GTF2F2: variants seen among roughly 807,000 people sequenced by gnomAD.
GTF2F2 encodes general transcription factor IIF subunit 2.
A neutral mutation model predicts 42.2 loss-of-function variants in GTF2F2; 23 were observed. The ratio of observed to expected loss-of-function variants is 0.55; its 90% CI spans 0.39 to 0.77. The LOEUF (loss-of-function observed/expected upper bound fraction) is 0.77. GTF2F2 is among the 30% of genes least tolerant of loss of function. GTF2F2 has a pLI of 0.00. For synonymous variants in GTF2F2, 105 were observed against 100.8 expected (o/e 1.04, Z -0.25); for missense variants, 261 against 287.2 (o/e 0.91, Z 0.66).
At chr13:45,154,338 A>G (rs1309451439) in intron 4 of GTF2F2, among the ~76,000 whole-genome samples, 1 of 152,210 alleles carries the variant, frequency 6.6e-6, no homozygotes, top group Admixed American at 6.5e-5. Flanking sequence ...TCCATTTTAC[A>G]TTTTAAAAAT....
chr13:45,259,817 C>G (rs1202038641), intron 6 of GTF2F2, among the ~76,000 whole-genome samples: 1 of 152,028 alleles, frequency 6.6e-6, no homozygotes, highest in East Asian at 1.9e-4. Flanking sequence ...GCCACCACAC[C>G]TGGCCAATGT....
At chr13:45,132,559 A>G (rs1336483485) in intron 1 of GTF2F2, among the ~76,000 whole-genome samples, 1 of 152,130 alleles carries the variant, frequency 6.6e-6, no homozygotes, top group Non-Finnish European at 1.5e-5. Flanking sequence ...TATGTAACCT[A>G]ATTACAGAAG....
At chr13:45,254,778 G>C (rs1362275075) in intron 6 of GTF2F2, among the ~76,000 whole-genome samples, 1 of 152,162 alleles carries the variant, frequency 6.6e-6, no homozygotes, top group Non-Finnish European at 1.5e-5. Context: ...AAATACCTAA[G>C]TTAAGTCAAA....
At chr13:45,268,051 T>C (rs1173888270) in intron 7 of GTF2F2, among the ~76,000 whole-genome samples, 1 of 152,194 alleles carries the variant, frequency 6.6e-6, no homozygotes, top group Non-Finnish European at 1.5e-5. Context: ...TTTAAAATGA[T>C]GATAACAATA....
At chr13:45,276,249 A>T (rs1877030160) in intron 7 of GTF2F2, among the ~76,000 whole-genome samples, 1 of 152,144 alleles carries the variant, frequency 6.6e-6, no homozygotes, top group African/African-American at 2.4e-5. Flanking sequence ...TGTATATACC[A>T]TATTTTGTTT....
At position 45,191,255 on chromosome 13, in the gene GTF2F2, A is replaced by ATATATATATATGGC. The variant is rs1260872563; in HGVS notation, c.305-16169_305-16168insTATATATATATGGC. On this transcript the variant is annotated intron_variant, in intron 4 of 7. Coordinates refer to ENST00000340473, the MANE Select transcript of GTF2F2 (RefSeq NM_004128.3). The stretch of plus-strand genomic sequence containing the variant: ...TATATATATATATATATATATATAT[A>ATATATATATATGGC]GCCATAATCTCACATTTTAAGGATG... Among the ~76,000 whole-genome samples the ATATATATATATGGC allele has an allele frequency of 1.2e-3, 166 of 136,502 alleles. 1 individual carries two copies. Among genetic ancestry groups the ATATATATATATGGC allele is most frequent in the Middle Eastern group, 7.2e-3 (2 of 276 alleles). The allele number at this position is 136,502 out of a possible 152,430, so 89.6% of individuals were successfully genotyped here.
chr13:45,161,385 G>C (rs1213129129), intron 4 of GTF2F2, among the ~76,000 whole-genome samples: 1 of 152,188 alleles, frequency 6.6e-6, no homozygotes, highest in African/African-American at 2.4e-5. Flanking sequence ...GTGTGGTAGT[G>C]TGAAAAGATT....
chr13:45,184,592 T>C (rs1026491244), intron 4 of GTF2F2, among the ~76,000 whole-genome samples: 3 of 152,122 alleles, frequency 2.0e-5, no homozygotes, highest in African/African-American at 7.3e-5. Flanking sequence ...CTGCTTTTCT[T>C]TTCCACTGCC....
At chr13:45,220,413 T>G (rs1874059811) in intron 5 of GTF2F2, among the ~76,000 whole-genome samples, 1 of 152,138 alleles carries the variant, frequency 6.6e-6, no homozygotes, top group South Asian at 2.1e-4. Flanking sequence ...AACTAATAAT[T>G]TAGGGTATTA....
At chr13:45,220,453 C>A (rs1055995636) in intron 5 of GTF2F2, among the ~76,000 whole-genome samples, 2 of 152,032 alleles carry the variant, frequency 1.3e-5, no homozygotes, top group African/African-American at 4.8e-5. Flanking sequence ...TTGGCACAGG[C>A]AGTAAATACT....
At chr13:45,156,878 A>G (rs1396824367) in intron 4 of GTF2F2, among the ~76,000 whole-genome samples, 1 of 152,164 alleles carries the variant, frequency 6.6e-6, no homozygotes, top group Non-Finnish European at 1.5e-5. Flanking sequence ...ATAAATTAAC[A>G]TTTGTGCCTG....
intron 2 of GTF2F2, among the ~76,000 whole-genome samples, chr13:45,149,003 A>G (rs1482032311): frequency 6.6e-6 from 1 of 152,166 alleles, no homozygotes; most frequent in Non-Finnish European, 1.5e-5. Flanking sequence ...AAATTTAATA[A>G]CTTGATCTTT....
intron 6 of GTF2F2, among the ~76,000 whole-genome samples, chr13:45,264,556 C>T (rs566768588): frequency 2.0e-5 from 3 of 152,282 alleles, no homozygotes; most frequent in Admixed American, 2.0e-4. Context: ...CAGGCGTGAG[C>T]CACTGCGCCT....
chr13:45,253,774 C>G (rs1430060808), intron 6 of GTF2F2, among the ~76,000 whole-genome samples: 1 of 152,060 alleles, frequency 6.6e-6, no homozygotes, highest in African/African-American at 2.4e-5. Flanking sequence ...TCTATTGACA[C>G]ATGATAAAAA....
intron 4 of GTF2F2, among the ~76,000 whole-genome samples, chr13:45,197,132 G>A (rs1872934946): frequency 6.6e-6 from 1 of 151,670 alleles, no homozygotes; most frequent in African/African-American, 2.4e-5. Context: ...CTGAAGCTTT[G>A]TCTTAGTGCC....
intron 1 of GTF2F2, among the ~76,000 whole-genome samples, chr13:45,126,406 G>C (rs7996423): frequency 0.36 from 54,390 of 151,726 alleles, 13,511 homozygotes; most frequent in African/African-American, 0.71. Context: ...CGTGCACCAC[G>C]ACTCCTGGCT....
intron 7 of GTF2F2, among the ~76,000 whole-genome samples, chr13:45,278,773 T>A (rs2138277841): frequency 6.6e-6 from 1 of 151,862 alleles, no homozygotes; most frequent in South Asian, 2.1e-4. Context: ...CACATGCCTC[T>A]GTTATATTTT....
At chr13:45,223,845 C>G (rs185905982) in intron 5 of GTF2F2, among the ~76,000 whole-genome samples, 2 of 152,240 alleles carry the variant, frequency 1.3e-5, no homozygotes, top group Admixed American at 1.3e-4. Context: ...TGACAATTAT[C>G]TCTGTTGGTT....
intron 7 of GTF2F2, among the ~76,000 whole-genome samples, chr13:45,267,777 G>A (rs1357961557): frequency 6.8e-6 from 1 of 147,770 alleles, no homozygotes; most frequent in Non-Finnish European, 1.5e-5. Context: ...TTGTGGGAGG[G>A]TTTATCCCTG....
Sources: allele counts gnomAD v4.1 joint callset (sites outside exome capture counted in the v4.1 genomes callset), GRCh38; gene constraint gnomAD v4.1.1; transcripts MANE v1.5; gene names NCBI Gene and HGNC (gene_info 2026-07-23, HGNC 2026-07-21).